DCDC2: variants seen among roughly 807,000 people sequenced by gnomAD.
The protein encoded by DCDC2 is doublecortin domain containing 2, also known as doublecortin domain-containing protein 2.
In DCDC2, 40 loss-of-function variants were observed where a neutral mutation model predicts 50.2. That is an observed-to-expected ratio of 0.80 (90% CI 0.62 to 1.04). The LOEUF (loss-of-function observed/expected upper bound fraction) is 1.04, where lower values mean the gene tolerates loss of function less well. Ranked by LOEUF, DCDC2 falls within the 50% of genes least tolerant of loss-of-function variation. The pLI is 0.00. For missense variants in DCDC2, 570 were observed against 581.9 expected (o/e 0.98, Z 0.21); for synonymous variants, 234 against 210.6 (o/e 1.11, Z -0.96).
chr6:24,189,117 T>G (rs1161964382), intron 8 of DCDC2, among the ~76,000 whole-genome samples: 2 of 152,158 alleles, frequency 1.3e-5, no homozygotes, highest in African/African-American at 2.4e-5. Flanking sequence ...TTGAGTGTAT[T>G]TTGCCTGAGT....
At chr6:24,194,264 T>C (rs1761376477) in intron 8 of DCDC2, among the ~76,000 whole-genome samples, 1 of 152,138 alleles carries the variant, frequency 6.6e-6, no homozygotes, top group Non-Finnish European at 1.5e-5. Context: ...TGATTAAAAA[T>C]AAATTTTAAA....
At chr6:24,266,192 A>G (rs1447125442) in intron 7 of DCDC2, among the ~76,000 whole-genome samples, 2 of 152,156 alleles carry the variant, frequency 1.3e-5, no homozygotes, top group Non-Finnish European at 2.9e-5. Flanking sequence ...CAAAAATAAA[A>G]TCAAAATGGA....
At chr6:24,309,991 C>A (rs1759543954) in intron 2 of DCDC2, among the ~76,000 whole-genome samples, 1 of 151,650 alleles carries the variant, frequency 6.6e-6, no homozygotes, top group Non-Finnish European at 1.5e-5. Flanking sequence ...AAAAAAAAGA[C>A]AAAAACAAGA....
chr6:24,328,561 C>T (rs983303047), intron 2 of DCDC2, among the ~76,000 whole-genome samples: 1 of 152,198 alleles, frequency 6.6e-6, no homozygotes, highest in African/African-American at 2.4e-5. Flanking sequence ...CATGGCCAAT[C>T]ATGCCCCAGA....
intron 8 of DCDC2, among the ~76,000 whole-genome samples, chr6:24,196,915 C>T (rs1167390284): frequency 6.6e-6 from 1 of 152,200 alleles, no homozygotes; most frequent in African/African-American, 2.4e-5. Flanking sequence ...AATTTCTCCA[C>T]ACTTTTAGTT....
chr6:24,281,249 T>A (rs569348741), intron 6 of DCDC2, among the ~76,000 whole-genome samples: 1 of 152,246 alleles, frequency 6.6e-6, no homozygotes, highest in East Asian at 1.9e-4. Context: ...TATTGAGTAA[T>A]AACTACTTTC....
chr6:24,301,302 C>A (rs138968896), intron 4 of DCDC2, among the ~76,000 whole-genome samples: 8,343 of 130,222 alleles, frequency 0.064, 474 homozygotes, highest in East Asian at 0.37. Context: ...ACCCGGGAGG[C>A]GGAGCTTGCA....
intron 7 of DCDC2, among the ~76,000 whole-genome samples, chr6:24,277,597 G>A (rs1163133023): frequency 1.3e-5 from 2 of 152,108 alleles, no homozygotes; most frequent in African/African-American, 4.8e-5. Context: ...ATTGTTTACT[G>A]ATAAAATGTT....
chr6:24,288,806 C>CA (rs1332170245), intron 6 of DCDC2, 46 bp downstream of exon 6: 1 of 1,541,636 alleles, frequency 6.5e-7, no homozygotes, highest in Non-Finnish European at 9.0e-7. Context: ...CTCTTTGTAT[C>CA]ATATAAAAAT....
chr6:24,205,149 C>T (rs765690334), intron 7 of DCDC2, 47 bp from the exon 8 acceptor site: 48 of 1,613,984 alleles, frequency 3.0e-5, no homozygotes, highest in Non-Finnish European at 3.9e-5. Flanking sequence ...ATTGTGACAT[C>T]GTGTGGCTGA....
chr6:24,330,012 C>T (rs10080309), intron 2 of DCDC2, among the ~76,000 whole-genome samples: 10,929 of 152,180 alleles, frequency 0.072, 1,222 homozygotes, highest in African/African-American at 0.24. Context: ...AAGAATGATA[C>T]TCCATCCAGT....
At chr6:24,262,045 C>A (rs568947703) in intron 7 of DCDC2, among the ~76,000 whole-genome samples, 92 of 152,104 alleles carry the variant, frequency 6.0e-4, no homozygotes, top group Non-Finnish European at 1.1e-3. Context: ...AATCACAGTG[C>A]CTGGTTTTAA....
chr6:24,308,845 A>T (rs1759521713), intron 2 of DCDC2, among the ~76,000 whole-genome samples: 1 of 152,172 alleles, frequency 6.6e-6, no homozygotes, highest in Non-Finnish European at 1.5e-5. Context: ...GCCCTGAGAA[A>T]ATATCCTCCA....
At chr6:24,259,806 C>T (rs1252375809) in intron 7 of DCDC2, among the ~76,000 whole-genome samples, 1 of 152,186 alleles carries the variant, frequency 6.6e-6, no homozygotes, top group African/African-American at 2.4e-5. Context: ...TGCTTGGTTA[C>T]TCTATTCTGC....
chr6:24,215,935 T>G (rs1761964159), intron 7 of DCDC2, among the ~76,000 whole-genome samples: 1 of 152,144 alleles, frequency 6.6e-6, no homozygotes, highest in Non-Finnish European at 1.5e-5. Context: ...ACAGAAGAGC[T>G]GAAGAAGGAC....
chr6:24,187,348 G>C (rs1166663007), intron 8 of DCDC2, among the ~76,000 whole-genome samples: 2 of 152,098 alleles, frequency 1.3e-5, no homozygotes, highest in Non-Finnish European at 2.9e-5. Flanking sequence ...TACTCATGCT[G>C]TTCCTTATAC....
At chr6:24,370,854 T>A in the DCDC2 span, among the ~76,000 whole-genome samples, 1 of 152,138 alleles carries the variant, frequency 6.6e-6, no homozygotes, top group East Asian at 1.9e-4. Context: ...CATGTGTCCA[T>A]CAATTGATGA....
chr6:24,336,747 C>A, intron 2 of DCDC2, among the ~76,000 whole-genome samples: 1 of 151,640 alleles, frequency 6.6e-6, no homozygotes. Flanking sequence ...TCCAAATACC[C>A]AGTCTTCAAG....
chr6:24,251,633 G>A (rs1342569891), intron 7 of DCDC2, among the ~76,000 whole-genome samples: 1 of 152,078 alleles, frequency 6.6e-6, no homozygotes, highest in Non-Finnish European at 1.5e-5. Context: ...AGCACATTCT[G>A]ACACCTGTGT....
Sources: allele counts gnomAD v4.1 joint callset (sites outside exome capture counted in the v4.1 genomes callset), GRCh38; gene constraint gnomAD v4.1.1; transcripts MANE v1.5; gene names NCBI Gene and HGNC (gene_info 2026-07-23, HGNC 2026-07-21).